RALGPS1: variants seen among roughly 807,000 people sequenced by gnomAD.
RALGPS1 encodes the protein ras-specific guanine nucleotide-releasing factor RalGPS1.
RALGPS1 carries 19 observed loss-of-function variants against 78.8 expected under a neutral mutation model. The observed-to-expected ratio is 0.24, with a 90% CI of 0.17 to 0.35. The LOEUF (loss-of-function observed/expected upper bound fraction) is 0.35. RALGPS1 is among the 10% of genes least tolerant of loss of function. The pLI is 1.00. For missense variants in RALGPS1, 454 were observed against 688.3 expected (o/e 0.66, Z 3.81); for synonymous variants, 228 against 256.3 (o/e 0.89, Z 1.06).
chr9:127,189,015 A>C lies in RALGPS1; in HGVS notation c.911-6076A>C, dbSNP rs1480058569. Among the ~76,000 whole-genome samples the C allele has an allele frequency of 1.7e-3, 260 of 148,726 alleles. 2 individuals carry two copies. The highest frequency in any genetic ancestry group is 5.9e-3 in the African/African-American group (243 of 40,986). The stretch of plus-strand genomic sequence containing the variant: ...ACTGTCTCAAAAAAAAAAAAAAAAA[A>C]AAAAAAAAAAAACCCCATTGGCTCA... On this transcript the variant is annotated intron_variant, in intron 11 of 18. Transcript: ENST00000259351.
At chr9:127,129,745 C>G (rs2056879887) in intron 8 of RALGPS1, among the ~76,000 whole-genome samples, 1 of 152,208 alleles carries the variant, frequency 6.6e-6, no homozygotes, top group Non-Finnish European at 1.5e-5. Flanking sequence ...GGAGTAAAGG[C>G]AGCCAGTGCA....
intron 8 of RALGPS1, among the ~76,000 whole-genome samples, chr9:127,099,906 G>C (rs1297669137): frequency 6.6e-6 from 1 of 152,224 alleles, no homozygotes; most frequent in Non-Finnish European, 1.5e-5. Flanking sequence ...CATGGTGCCT[G>C]GGGCCAATGA....
rs944347114 is a variant in RALGPS1 at position 127,091,523 on chromosome 9, CA to C, written c.610+22168del. The C allele has an allele frequency of 6.3e-6, 7 of 1,111,824 alleles. No homozygotes were observed. The African/African-American group carries it at 9.4e-5, about 15-fold the overall frequency. The allele number at this position is 1,111,824 out of a possible 1,614,324, so 68.9% of individuals were successfully genotyped here. On this transcript the variant is annotated intron_variant, in intron 8 of 18. Coordinates refer to ENST00000259351, the MANE Select transcript of RALGPS1 (RefSeq NM_014636.3). This position sits in a 1 kb window ranked among gnomAD's most constrained non-coding sequence, Gnocchi z 4.3. ...ACCTGTGGGCAGGAGAAGGGACCCT[CA>C]GGGGGTGGTAACAGGGTCAGGCAGC...
intron 1 of RALGPS1, among the ~76,000 whole-genome samples, chr9:126,952,252 T>C (rs937726663): frequency 1.3e-5 from 2 of 152,208 alleles, no homozygotes; most frequent in Non-Finnish European, 2.9e-5. Context: ...CATGGCATTT[T>C]GGACTCAGTG....
chr9:127,047,458 G>T (rs547080928), intron 5 of RALGPS1, among the ~76,000 whole-genome samples: 75 of 152,240 alleles, frequency 4.9e-4, no homozygotes, highest in African/African-American at 1.8e-3. Context: ...CAGCACTTTG[G>T]GAGGCCGAGG....
At chr9:126,964,898 C>A (rs1201878616) in intron 2 of RALGPS1, among the ~76,000 whole-genome samples, 1 of 152,174 alleles carries the variant, frequency 6.6e-6, no homozygotes, top group African/African-American at 2.4e-5. Flanking sequence ...AAAGCATATT[C>A]TCTAAATCCC....
intron 11 of RALGPS1, among the ~76,000 whole-genome samples, chr9:127,177,730 G>C (rs2059963082): frequency 6.6e-6 from 1 of 152,204 alleles, no homozygotes; most frequent in Non-Finnish European, 1.5e-5. Flanking sequence ...TCACTCACTG[G>C]TCCCTGGGGC....
intron 8 of RALGPS1, among the ~76,000 whole-genome samples, chr9:127,090,096 G>A (rs1435370181): frequency 6.6e-6 from 1 of 152,178 alleles, no homozygotes; most frequent in Non-Finnish European, 1.5e-5. Flanking sequence ...GTCCCTCTGG[G>A]CCATGATTCC....
In RALGPS1 at chr9:127,050,027, G is replaced by A; in HGVS notation, c.301-16G>A. ...CTGGTGTGTATGTGTGTATGTGTGT[G>A]TATTTGACTCTACAGGTCAGTTTTT... On this transcript the variant is annotated splice_polypyrimidine_tract_variant and intron_variant, in intron 5 of 18. Coordinates refer to ENST00000259351, the MANE Select transcript of RALGPS1 (RefSeq NM_014636.3). The A allele has an allele frequency of 6.3e-7, 1 of 1,585,156 alleles. No homozygotes were observed. Among genetic ancestry groups the A allele is most frequent in the Non-Finnish European group, 8.7e-7 (1 of 1,153,756 alleles).
chr9:127,154,047 GCT>G (rs1554847603), intron 8 of RALGPS1, among the ~76,000 whole-genome samples: 1 of 152,180 alleles, frequency 6.6e-6, no homozygotes, highest in Non-Finnish European at 1.5e-5. Flanking sequence ...GACGGCCCAG[GCT>G]CTCCCCTACC....
rs113755408 is a variant in RALGPS1, at chr9:127,143,841, A to G, written c.611-22228A>G. Among the ~76,000 whole-genome samples the G allele has an allele frequency of 6.5e-3, 987 of 152,342 alleles. 19 individuals carry two copies. The highest frequency in any genetic ancestry group is 0.023 in the African/African-American group (949 of 41,584). The stretch of plus-strand genomic sequence containing the variant: ...TTCTAGGTGCTCCGTAATTACCAAG[A>G]CAGAGGTCTCCATATAGGGGCAGGA... On this transcript the variant is annotated intron_variant, in intron 8 of 18. Transcript: ENST00000259351.
Position 127,178,538 on chromosome 9 carries a change from C to T in RALGPS1, c.910+3756C>T, listed in dbSNP as rs191913984. 4 of 974,788 alleles carry T rather than the reference C, an allele frequency of 4.1e-6. No individual in the cohort carries two copies. In the East Asian group the frequency reaches 4.5e-4, roughly 110 times the overall value. 60.4% of individuals were successfully genotyped at this position (974,788 alleles called of 1,614,324 possible). A position where few individuals can be genotyped will look rare whatever the true frequency, so the allele number is the denominator to read the frequency against. On this transcript the variant is annotated intron_variant, in intron 11 of 18. Coordinates refer to ENST00000259351, the MANE Select transcript of RALGPS1 (RefSeq NM_014636.3). Reference sequence around the variant, plus strand: ...TGTCATATTGTGATTCTGCCTCCATCATTGCCTCAGCCTGCAGCTTTTAGC... The same window carrying T: ...TGTCATATTGTGATTCTGCCTCCATTATTGCCTCAGCCTGCAGCTTTTAGC...
intron 8 of RALGPS1, among the ~76,000 whole-genome samples, chr9:127,116,550 A>C (rs897858512): frequency 6.6e-6 from 1 of 152,206 alleles, no homozygotes; most frequent in South Asian, 2.1e-4. Flanking sequence ...CATTTCCGGC[A>C]GTGCCTAGTG....
intron 1 of RALGPS1, among the ~76,000 whole-genome samples, chr9:126,921,696 G>T (rs977251121): frequency 2.0e-5 from 3 of 152,210 alleles, no homozygotes; most frequent in Non-Finnish European, 2.9e-5. Context: ...CACAAGCCAT[G>T]TGGCTTTGAG....
At chr9:126,996,727 C>G (rs1441675584) in intron 4 of RALGPS1, among the ~76,000 whole-genome samples, 2 of 135,234 alleles carry the variant, frequency 1.5e-5, no homozygotes, top group African/African-American at 3.2e-5. Context: ...GAGACACAAC[C>G]AAAAAAGAGA....
chr9:126,918,478 C>A (rs570001420), intron 1 of RALGPS1, among the ~76,000 whole-genome samples: 77 of 152,074 alleles, frequency 5.1e-4, no homozygotes, highest in Non-Finnish European at 6.5e-4. Flanking sequence ...TGCGCCACAA[C>A]ACCTGGCTAA....
At chr9:127,177,314 G>T (rs13284255) in intron 11 of RALGPS1, among the ~76,000 whole-genome samples, 1 of 152,120 alleles carries the variant, frequency 6.6e-6, no homozygotes, top group African/African-American at 2.4e-5. Flanking sequence ...GAGCCTCAGA[G>T]GGCTCTCCTC....
intron 7 of RALGPS1, among the ~76,000 whole-genome samples, chr9:127,054,720 G>A (rs1025134542): frequency 6.6e-6 from 1 of 152,152 alleles, no homozygotes; most frequent in Middle Eastern, 3.2e-3. Flanking sequence ...ACTCACTCCT[G>A]TAATCCCAGT....
At chr9:127,028,064 T>C (rs528921181) in intron 4 of RALGPS1, among the ~76,000 whole-genome samples, 9 of 152,398 alleles carry the variant, frequency 5.9e-5, no homozygotes, top group African/African-American at 2.2e-4. Context: ...GTAGACATTT[T>C]AACTCTGGAT....
Sources: gnomAD v4.1 joint callset for allele counts (sites outside exome capture counted in the v4.1 genomes callset) on GRCh38, gnomAD v4.1.1 for gene constraint, Gnocchi (gnomAD v3.1) non-coding constraint, MANE v1.5 for transcripts, NCBI Gene and HGNC (gene_info 2026-07-23, HGNC 2026-07-21) for gene names.